The following BRD8 variants were observed in gnomAD, a reference collection of about 807,000 sequenced individuals.
BRD8 encodes bromodomain containing 8.
Under a neutral mutation model 143.1 loss-of-function variants are expected in BRD8, and 67 were observed. That is an observed-to-expected ratio of 0.47 (90% CI 0.38 to 0.57). The LOEUF is 0.57. Among genes scored for constraint, BRD8 ranks in the 20% least tolerant of loss-of-function variants. The pLI, the probability that BRD8 is intolerant of heterozygous loss-of-function variation, is 0.00. For synonymous variants in BRD8, 505 were observed against 517.1 expected, an observed-to-expected ratio of 0.98 and a Z score of 0.32; for missense variants, 1,103 against 1,503.0, an observed-to-expected ratio of 0.73 and a Z score of 4.40.
intron 25 of BRD8, 96 bp from the exon 26 acceptor site, chr5:138,140,978 T>A: frequency 2.3e-6 from 3 of 1,280,984 alleles, no homozygotes; most frequent in Non-Finnish European, 3.3e-6. Flanking sequence ...CAGTTCTTAA[T>A]GAAAACAGTA....
intron 20 of BRD8, chr5:138,157,761 C>T (rs1222129431): frequency 5.2e-5 from 8 of 154,750 alleles, no homozygotes; most frequent in Non-Finnish European, 1.0e-4. Flanking sequence ...AGGCTTCTTT[C>T]CATCTGCTGC....
chr5:138,170,254 A>G lies in BRD8; in HGVS notation c.505+91T>C, dbSNP rs1753756466. ...AGAAAACTGCAAGTAAATTTAAATC[A>G]ATGTATTCTATGTTACAAAACAGTC... On this transcript the variant is annotated intron_variant, in intron 7 of 26. Transcript: ENST00000254900. 6 of 913,360 alleles carry G rather than the reference A, an allele frequency of 6.6e-6. No homozygotes were observed. In the East Asian group the frequency reaches 1.4e-4, roughly 22 times the overall value. 56.6% of individuals were successfully genotyped at this position (913,360 alleles called of 1,614,324 possible). A position where few individuals can be genotyped will look rare whatever the true frequency, so the allele number is the denominator to read the frequency against.
rs1752353519 is a variant in BRD8 at position 138,151,113 on chromosome 5, G to T, written c.2857-105C>A. ...ACACTGTCACAGTGACTAAGTCTGA[G>T]AGGACAAAATGGTTTAATTAATACA... On this transcript the variant is annotated intron_variant, in intron 21 of 26. Coordinates refer to ENST00000254900, the MANE Select transcript of BRD8 (RefSeq NM_139199.2). 4.3e-6 allele frequency: 6 copies of T among 1,396,524 alleles called. No homozygotes were observed. The South Asian group carries it at 6.8e-5, about 16-fold the overall frequency. The allele number at this position is 1,396,524 out of a possible 1,614,324, so 86.5% of individuals were successfully genotyped here.
At chr5:138,156,823 A>AC (rs1752624355) in intron 20 of BRD8, 1 of 807,724 alleles carries the variant, frequency 1.2e-6, no homozygotes, top group Non-Finnish European at 1.4e-6. Flanking sequence ...ACAAGTTTCA[A>AC]ATACACACAC....
At chr5:138,164,066 A>T (rs1459589759) in intron 14 of BRD8, 21 bp downstream of exon 14, 2 of 1,610,508 alleles carry the variant, frequency 1.2e-6, no homozygotes. Context: ...GGCAAGAGGA[A>T]TAAAGAAAAG....
chr5:138,164,271 A>G, intron 13 of BRD8, 49 bp downstream of exon 13: 2 of 1,602,130 alleles, frequency 1.2e-6, no homozygotes, highest in Non-Finnish European at 1.7e-6. Flanking sequence ...ACAACCCCTC[A>G]GAAGCCAAAG....
rs754928893 is a variant in BRD8, at chr5:138,149,749, C to T, written c.3169G>A (p.Val1057Met). The T allele has an allele frequency of 3.7e-6, 6 of 1,613,570 alleles. No individual in the cohort carries two copies. The highest frequency in any genetic ancestry group is 5.1e-6 in the Non-Finnish European group (6 of 1,179,806). Reference sequence around the variant, plus strand: ...GGGGGCTGGTCTTCCATCTCTGACACATATACTTCACCCTGGTCCTCCCCT... The same window carrying T: ...GGGGGCTGGTCTTCCATCTCTGACATATATACTTCACCCTGGTCCTCCCCT... ...SKGEDQGEVY[V>M]SEMEDQPPSG... is the part of the protein sequence containing the mutation. Residue 1057 changes from valine to methionine, a missense_variant, in exon 23 of 27, where the codon GTG becomes ATG. By Grantham distance (21) the Val-to-Met change is conservative. Around this residue, in one of 7 missense-constraint regions of BRD8, gnomAD observed 369 missense variants for 445.5 expected, o/e 0.83. Transcript: ENST00000254900.
chr5:138,154,284 CCTT>C (rs1752485256), intron 20 of BRD8, among the ~76,000 whole-genome samples: 1 of 152,210 alleles, frequency 6.6e-6, no homozygotes, highest in Non-Finnish European at 1.5e-5. Flanking sequence ...ATGTACACCT[CCTT>C]ATTCCTTAGT....
chr5:138,163,318 T>C lies in BRD8; in HGVS notation c.1899A>G (p.Glu633=), dbSNP rs771873148. The change falls in exon 15 of 27, where the codon GAA becomes GAG. Residue 633 remains glutamate (E), a synonymous_variant. Coordinates refer to ENST00000254900, the MANE Select transcript of BRD8 (RefSeq NM_139199.2). ...IKDAPGEDEE[E]DGVSEAASLE... is the part of the protein sequence containing the mutation. ...GGCTGGCCGCTTCACTGACACCATCTTCCTCCTCATCCTCACCTGGGGCAT... is the reference window on the plus strand; with the variant it reads ...GGCTGGCCGCTTCACTGACACCATCCTCCTCCTCATCCTCACCTGGGGCAT... 1.1e-5 allele frequency: 18 copies of C among 1,614,012 alleles called. 1 individual carries two copies. The South Asian group carries it at 1.3e-4, about 12-fold the overall frequency.
intron 9 of BRD8, 120 bp downstream of exon 9, chr5:138,167,814 A>C: frequency 1.2e-6 from 1 of 846,288 alleles, no homozygotes; most frequent in Non-Finnish European, 2.0e-6. Context: ...TCCAAAAAAA[A>C]GTTAGAAAAA....
At chr5:138,178,565 C>T (rs751621993) in intron 1 of BRD8, 31 bp downstream of exon 1, 3 of 1,606,058 alleles carry the variant, frequency 1.9e-6, no homozygotes, top group South Asian at 2.2e-5. Flanking sequence ...TCTACAAAGG[C>T]CTTTCACGCA....
intron 20 of BRD8, chr5:138,157,999 T>C (rs1752714343): frequency 1.3e-5 from 2 of 152,306 alleles, no homozygotes; most frequent in South Asian, 4.1e-4. Flanking sequence ...AGGCCATTTT[T>C]ACATTTCTAA....
rs1280875040 is a variant in BRD8, at chr5:138,149,727, G to T, written c.3191C>A (p.Pro1064His). 1 of 1,613,726 alleles carries T rather than the reference G, an allele frequency of 6.2e-7. No homozygotes were observed. Among genetic ancestry groups the T allele is most frequent in the East Asian group, 2.2e-5 (1 of 44,842 alleles). ...EVYVSEMEDQPPSGECDDAFN... is the reference protein window; with the variant it reads ...EVYVSEMEDQHPSGECDDAFN... ...GGCATCATCACACTCGCCTGAAGGG[G>T]GCTGGTCTTCCATCTCTGACACATA... Residue 1064 changes from proline (P) to histidine (H), a missense_variant, in exon 23 of 27, where the codon CCC becomes CAC. Physicochemically the swap from Pro to His is moderately conservative, Grantham distance 77. Transcript: ENST00000254900.
intron 24 of BRD8, 90 bp downstream of exon 24, chr5:138,145,699 G>T: frequency 8.8e-7 from 1 of 1,133,696 alleles, no homozygotes; most frequent in Non-Finnish European, 1.3e-6. Context: ...CTCATTTGAG[G>T]GATGAACATA....
Position 138,173,241 on chromosome 5 carries a change from T to C in BRD8, c.117-1107A>G, listed in dbSNP as rs190168286. 7.2e-5 allele frequency among the ~76,000 whole-genome samples: 11 copies of C among 151,966 alleles called. No individual in the cohort carries two copies. In the East Asian group the frequency reaches 2.1e-3, roughly 29 times the overall value. The stretch of plus-strand genomic sequence containing the variant: ...GGTGAAACCCCACCTCTACTAAAAA[T>C]ACAAAAATTAGCCAGGCATGGTGGC... On this transcript the variant is annotated intron_variant, in intron 2 of 26. Transcript: ENST00000254900.
At chr5:138,142,638 C>T (rs1261124154) in intron 25 of BRD8, among the ~76,000 whole-genome samples, 1 of 151,754 alleles carries the variant, frequency 6.6e-6, no homozygotes, top group East Asian at 1.9e-4. Flanking sequence ...TGACGTGTGC[C>T]TGTGGTTCCA....
At position 138,168,366 on chromosome 5, in the gene BRD8, C is replaced by A. The variant is rs1391875816; in HGVS notation, c.643-288G>T. The A allele has an allele frequency of 3.6e-6, 3 of 839,112 alleles. No individual in the cohort carries two copies. The Admixed American group carries it at 6.9e-5, about 19-fold the overall frequency. 52.0% of individuals were successfully genotyped at this position (839,112 alleles called of 1,614,324 possible). A position where few individuals can be genotyped will look rare whatever the true frequency, so the allele number is the denominator to read the frequency against. ...TTAACATTTAATTAGGAGATCTTTT[C>A]CTCTTTTGAACTTTTATTCCCCATG... On this transcript the variant is annotated intron_variant, in intron 8 of 26. Coordinates refer to ENST00000254900, the MANE Select transcript of BRD8 (RefSeq NM_139199.2).
At chr5:138,159,717 A>C in intron 19 of BRD8, 118 bp from the exon 20 acceptor site, 8 of 960,418 alleles carry the variant, frequency 8.3e-6, no homozygotes, top group South Asian at 1.4e-5. Flanking sequence ...TTTAAAACTC[A>C]AGAACAAGAG....
At chr5:138,172,521 CAAA>C (rs10547758) in intron 2 of BRD8, among the ~76,000 whole-genome samples, 14 of 24,676 alleles carry the variant, frequency 5.7e-4, no homozygotes, top group African/African-American at 9.3e-4. Context: ...GACTCCATCT[CAAA>C]AAAAAAAAAA....
Sources: allele counts gnomAD v4.1 joint callset (sites outside exome capture counted in the v4.1 genomes callset), GRCh38; gene constraint gnomAD v4.1.1; regional missense constraint gnomAD v4.1.1; transcripts MANE v1.5; gene names NCBI Gene and HGNC (gene_info 2026-07-23, HGNC 2026-07-21).